IQSEC1: variants seen among roughly 807,000 people sequenced by gnomAD.
The protein encoded by IQSEC1 is IQ motif and Sec7 domain ArfGEF 1, also known as IQ motif and SEC7 domain-containing protein 1.
IQSEC1 carries 31 observed loss-of-function variants against 91.0 expected under a neutral mutation model. That is an observed-to-expected ratio of 0.34 (90% CI 0.26 to 0.46). The LOEUF is 0.46. IQSEC1 is among the 20% of genes least tolerant of loss of function. IQSEC1 has a pLI of 1.00. For missense variants in IQSEC1, 1,388 were observed against 1,575.6 expected (o/e 0.88, Z 2.02); for synonymous variants, 699 against 662.6 (o/e 1.05, Z -0.84).
At chr3:13,277,106 TAAAAAAAAAAAAAAAAA>T (rs4034193) in intron 1 of IQSEC1, among the ~76,000 whole-genome samples, 3 of 35,974 alleles carry the variant, frequency 8.3e-5, no homozygotes, top group Admixed American at 5.3e-4. Flanking sequence ...TGCTCCTCCT[TAAAAAAAAAAAAAAAAA>T]AAAAAAAAAA....
intron 1 of IQSEC1, among the ~76,000 whole-genome samples, chr3:13,270,376 G>A (rs1185322364): frequency 1.3e-5 from 2 of 152,160 alleles, no homozygotes; most frequent in African/African-American, 2.4e-5. Context: ...CCCTGAGGCA[G>A]GACCCCTTAA....
chr3:13,278,137 C>T (rs1057341204), intron 1 of IQSEC1, among the ~76,000 whole-genome samples: 1 of 152,182 alleles, frequency 6.6e-6, no homozygotes, highest in Non-Finnish European at 1.5e-5. Flanking sequence ...AAAACCTCCC[C>T]CGGAGTGAGT....
intron 2 of IQSEC1, among the ~76,000 whole-genome samples, chr3:13,159,530 A>C (rs1707132563): frequency 6.6e-6 from 1 of 152,208 alleles, no homozygotes; most frequent in African/African-American, 2.4e-5. Context: ...CACAGGCGAC[A>C]CTGACTTGCG....
rs1265444298 is a variant in IQSEC1, at chr3:13,282,825, A to C, written c.158T>G (p.Leu53Arg). Among the ~76,000 whole-genome samples, 1 of 147,336 alleles carries C rather than the reference A, an allele frequency of 6.8e-6. No homozygotes were observed. The highest frequency in any genetic ancestry group is 1.5e-5 in the Non-Finnish European group (1 of 66,202). The change falls in exon 1 of 16, where the codon CTG becomes CGG. Residue 53 changes from leucine to arginine, a missense_variant. By Grantham distance (102) the Leu-to-Arg change is moderately radical (BLOSUM62 -2). Transcript: ENST00000648114. The surrounding 1 kb of genome is among the most constrained non-coding windows in gnomAD (Gnocchi z 6.4). ...CAGGTGTCGCCGGTGTCGCTCCAGCAGGCCGGCGTTCTCCCGGCTCAGCCG... is the reference window on the plus strand; with the variant it reads ...CAGGTGTCGCCGGTGTCGCTCCAGCCGGCCGGCGTTCTCCCGGCTCAGCCG...
chr3:13,040,845 C>A (rs994261000), intron 1 of IQSEC1, among the ~76,000 whole-genome samples: 1 of 152,210 alleles, frequency 6.6e-6, no homozygotes, highest in Admixed American at 6.5e-5. Context: ...GAAGCCCCCG[C>A]ACCCAGCCCT....
At chr3:12,995,885 A>C (rs577078450) in intron 1 of IQSEC1, among the ~76,000 whole-genome samples, 1 of 152,326 alleles carries the variant, frequency 6.6e-6, no homozygotes, top group Non-Finnish European at 1.5e-5. Context: ...AGGTTTAAAA[A>C]ATATTTTTAA....
intron 1 of IQSEC1, among the ~76,000 whole-genome samples, chr3:13,174,138 C>A (rs1433698377): frequency 6.6e-6 from 1 of 152,164 alleles, no homozygotes; most frequent in African/African-American, 2.4e-5. Context: ...GCAGGTGGCG[C>A]CCAGCCTCAG....
rs1705496351 is a variant in IQSEC1 at position 13,073,250 on chromosome 3, C to A, written c.-236G>T. The stretch of plus-strand genomic sequence containing the variant: ...GCACGTAGCGCGCGCTCACACCGTG[C>A]CCAGGAGCGAGCGAGGACGTCGAGT... On this transcript the variant is annotated 5_prime_UTR_variant, in exon 1 of 14. Transcript: ENST00000613206. 2 of 571,092 alleles carry A rather than the reference C, an allele frequency of 3.5e-6. No individual in the cohort carries two copies. Among genetic ancestry groups the A allele is most frequent in the Non-Finnish European group, 6.2e-6 (2 of 322,106 alleles). 35.4% of individuals were successfully genotyped at this position (571,092 alleles called of 1,614,324 possible).
intron 2 of IQSEC1, among the ~76,000 whole-genome samples, chr3:13,120,068 A>T (rs190963242): frequency 1.3e-5 from 2 of 152,196 alleles, no homozygotes. Context: ...CTTAGAAGGC[A>T]CTCACCTGGC....
chr3:13,279,572 C>T (rs551529579), intron 1 of IQSEC1, among the ~76,000 whole-genome samples: 8 of 152,346 alleles, frequency 5.3e-5, no homozygotes, highest in Non-Finnish European at 1.2e-4. Flanking sequence ...TAACTGTTGT[C>T]CCAGGACGAG....
At chr3:12,911,812 G>A in intron 9 of IQSEC1, 84 bp from the exon 10 acceptor site, 4 of 923,318 alleles carry the variant, frequency 4.3e-6, no homozygotes, top group Non-Finnish European at 7.0e-6. Context: ...GGATCCTCCT[G>A]GAGTTCAAAG....
At position 12,898,338 on chromosome 3, in the gene IQSEC1, T is replaced by A. The variant is rs1445719673; in HGVS notation, c.*2645A>T. Reference sequence around the variant, plus strand: ...TATCTTCCACAAACTTTTGATAAGCTTGCAAATAAAACAGAATGAAACCTC... The same window carrying A: ...TATCTTCCACAAACTTTTGATAAGCATGCAAATAAAACAGAATGAAACCTC... On this transcript the variant is annotated 3_prime_UTR_variant, in exon 14 of 14. Transcript: ENST00000613206. 6.6e-6 allele frequency: 1 copy of A among 152,242 alleles called. No individual in the cohort carries two copies. The highest frequency in any genetic ancestry group is 1.5e-5 in the Non-Finnish European group (1 of 68,052). The allele number at this position is 152,242 out of a possible 1,614,324, so 9.4% of individuals were successfully genotyped here.
At chr3:13,200,112 CACAT>C (rs1694214479) in intron 1 of IQSEC1, among the ~76,000 whole-genome samples, 1 of 150,006 alleles carries the variant, frequency 6.7e-6, no homozygotes, top group African/African-American at 2.5e-5. Context: ...CACGCACACA[CACAT>C]ACACCACAGA....
At chr3:13,053,986 C>T (rs1164608807) in intron 1 of IQSEC1, among the ~76,000 whole-genome samples, 1 of 151,922 alleles carries the variant, frequency 6.6e-6, no homozygotes, top group Admixed American at 6.6e-5. Flanking sequence ...TTTAGTTACA[C>T]AAAAATACGC....
At chr3:13,146,168 T>A (rs932602648) in intron 2 of IQSEC1, among the ~76,000 whole-genome samples, 91 of 150,700 alleles carry the variant, frequency 6.0e-4, no homozygotes, top group African/African-American at 2.0e-3. Flanking sequence ...TTTTTTTTTT[T>A]AAGAAATGGG....
intron 1 of IQSEC1, among the ~76,000 whole-genome samples, chr3:13,224,850 C>A (rs1437435577): frequency 6.6e-6 from 1 of 152,204 alleles, no homozygotes; most frequent in Non-Finnish European, 1.5e-5. Flanking sequence ...AAGCCTCATG[C>A]CCCCCAGAAG....
intron 1 of IQSEC1, among the ~76,000 whole-genome samples, chr3:13,004,353 T>A (rs774240447): frequency 6.6e-6 from 1 of 152,200 alleles, no homozygotes; most frequent in Non-Finnish European, 1.5e-5. Flanking sequence ...GAAGCAGAGA[T>A]GATCAAATCC....
chr3:13,128,478 G>A (rs150584628), intron 2 of IQSEC1, among the ~76,000 whole-genome samples: 1 of 152,114 alleles, frequency 6.6e-6, no homozygotes, highest in African/African-American at 2.4e-5. Flanking sequence ...TTTAAATACT[G>A]AACTAGCCTT....
At chr3:13,060,480 C>A (rs1705026959) in intron 1 of IQSEC1, among the ~76,000 whole-genome samples, 1 of 152,196 alleles carries the variant, frequency 6.6e-6, no homozygotes, top group Non-Finnish European at 1.5e-5. Context: ...CCTGCAGTCT[C>A]AGGGCCTGAC....
Sources: gnomAD v4.1 joint callset for allele counts (sites outside exome capture counted in the v4.1 genomes callset) on GRCh38, gnomAD v4.1.1 for gene constraint, Gnocchi (gnomAD v3.1) non-coding constraint, MANE v1.5 for transcripts, NCBI Gene and HGNC (gene_info 2026-07-23, HGNC 2026-07-21) for gene names.